The following ATP8A2 variants were observed in gnomAD, a reference collection of about 807,000 sequenced individuals.
ATP8A2 encodes the protein ATPase phospholipid transporting 8A2.
Under a neutral mutation model 165.6 loss-of-function variants are expected in ATP8A2, and 100 were observed. The observed-to-expected ratio is 0.60, with a 90% confidence interval of 0.51 to 0.71. ATP8A2 has a LOEUF of 0.71. Among genes scored for constraint, ATP8A2 ranks in the 30% least tolerant of loss-of-function variants. The pLI, the probability that ATP8A2 is intolerant of heterozygous loss-of-function variation, is 0.00. For synonymous variants in ATP8A2, 543 were observed against 548.8 expected (o/e 0.99, Z 0.15); for missense variants, 1,227 against 1,479.5 (o/e 0.83, Z 2.80).
intron 24 of ATP8A2, among the ~76,000 whole-genome samples, chr13:25,642,392 A>G (rs1483362093): frequency 6.6e-6 from 1 of 152,214 alleles, no homozygotes; most frequent in African/African-American, 2.4e-5. Context: ...AAGAACTCAA[A>G]CAAATTTACA....
intron 1 of ATP8A2, among the ~76,000 whole-genome samples, chr13:25,415,787 C>T (rs149458792): frequency 6.6e-6 from 1 of 152,304 alleles, no homozygotes; most frequent in East Asian, 1.9e-4. Flanking sequence ...TTGGCCTCCA[C>T]ATCTAAAGGT....
intron 6 of ATP8A2, among the ~76,000 whole-genome samples, chr13:25,533,691 G>A (rs2038188368): frequency 6.6e-6 from 1 of 152,138 alleles, no homozygotes; most frequent in Admixed American, 6.5e-5. Context: ...ACTACAGAGT[G>A]GTGGAAAGGG....
intron 1 of ATP8A2, among the ~76,000 whole-genome samples, chr13:25,419,090 C>T (rs2034219586): frequency 1.3e-5 from 2 of 152,120 alleles, no homozygotes; most frequent in African/African-American, 2.4e-5. Flanking sequence ...CATGTGTGTG[C>T]ACGCACGTGT....
chr13:25,710,180 G>A lies in ATP8A2; in HGVS notation c.2384+10835G>A, dbSNP rs184328088. On this transcript the variant is annotated intron_variant, in intron 25 of 36. Transcript: ENST00000381655. ...TACATATTTATGGGATAAATGTGATGTTTTGATACAGGCATACAATATGTA... is the reference window on the plus strand; with the variant it reads ...TACATATTTATGGGATAAATGTGATATTTTGATACAGGCATACAATATGTA... Among the ~76,000 whole-genome samples the A allele has an allele frequency of 2.4e-3, 369 of 152,246 alleles. 2 individuals are homozygous for A. Among genetic ancestry groups the A allele is most frequent in the African/African-American group, 8.4e-3 (348 of 41,534 alleles).
At chr13:25,941,592 G>A (rs1013796739) in intron 33 of ATP8A2, among the ~76,000 whole-genome samples, 4 of 152,048 alleles carry the variant, frequency 2.6e-5, no homozygotes, top group African/African-American at 7.2e-5. Flanking sequence ...CTCCTCACCC[G>A]TCCCATCCTG....
chr13:25,590,501 G>C (rs2040042237), intron 24 of ATP8A2, among the ~76,000 whole-genome samples: 1 of 152,190 alleles, frequency 6.6e-6, no homozygotes, highest in South Asian at 2.1e-4. Flanking sequence ...GCTGCCGCAT[G>C]AACCCACCCC....
intron 18 of ATP8A2, among the ~76,000 whole-genome samples, chr13:25,573,000 A>C (rs771113988): frequency 6.6e-6 from 1 of 152,202 alleles, no homozygotes; most frequent in Non-Finnish European, 1.5e-5. Flanking sequence ...TCATGTGATC[A>C]TGTTTACTTT....
At chr13:25,968,549 C>T (rs754273758) in intron 34 of ATP8A2, 26 bp from the exon 35 acceptor site, 46 of 1,596,028 alleles carry the variant, frequency 2.9e-5, no homozygotes, top group South Asian at 9.0e-5. Context: ...ATGCCATGTT[C>T]GTTTTGTCTT....
intron 1 of ATP8A2, among the ~76,000 whole-genome samples, chr13:25,418,151 C>T (rs2138089007): frequency 6.6e-6 from 1 of 152,282 alleles, no homozygotes; most frequent in Non-Finnish European, 1.5e-5. Flanking sequence ...ACCAAGGTCT[C>T]CCTGACCAGG....
chr13:25,779,412 G>A (rs2044819986), intron 27 of ATP8A2, among the ~76,000 whole-genome samples: 1 of 151,424 alleles, frequency 6.6e-6, no homozygotes, highest in Non-Finnish European at 1.5e-5. Flanking sequence ...GGGTGGGGCA[G>A]GGGGGCGGTG....
At chr13:25,490,616 C>T (rs1337998389) in intron 2 of ATP8A2, among the ~76,000 whole-genome samples, 1 of 152,214 alleles carries the variant, frequency 6.6e-6, no homozygotes, top group East Asian at 1.9e-4. Flanking sequence ...ACTAAAAGTC[C>T]ATCTGCTTTT....
At chr13:25,812,830 C>G (rs1950912440) in intron 27 of ATP8A2, among the ~76,000 whole-genome samples, 1 of 152,036 alleles carries the variant, frequency 6.6e-6, no homozygotes, top group Admixed American at 6.5e-5. Context: ...GGAATCAACC[C>G]AAATGCCCAT....
intron 1 of ATP8A2, among the ~76,000 whole-genome samples, chr13:25,428,459 T>C (rs1000934753): frequency 3.9e-5 from 6 of 152,176 alleles, no homozygotes; most frequent in Non-Finnish European, 8.8e-5. Flanking sequence ...TCTTAGTCTA[T>C]TGTGGGAAAC....
intron 33 of ATP8A2, among the ~76,000 whole-genome samples, chr13:25,923,742 T>C (rs1954524819): frequency 1.3e-5 from 2 of 152,150 alleles, no homozygotes; most frequent in Admixed American, 1.3e-4. Context: ...TAAAAGATGC[T>C]ACCTAGATCC....
At chr13:25,652,151 T>C (rs2041828112) in intron 24 of ATP8A2, among the ~76,000 whole-genome samples, 1 of 152,122 alleles carries the variant, frequency 6.6e-6, no homozygotes, top group South Asian at 2.1e-4. Flanking sequence ...TCACTAAATG[T>C]AGGGGTGGGA....
At chr13:25,821,540 C>T (rs980723696) in intron 27 of ATP8A2, among the ~76,000 whole-genome samples, 1 of 152,138 alleles carries the variant, frequency 6.6e-6, no homozygotes, top group African/African-American at 2.4e-5. Context: ...TTTCTAAACC[C>T]AAGCTCCCAT....
intron 7 of ATP8A2, 129 bp from the exon 8 acceptor site, chr13:25,540,190 G>A (rs967413284): frequency 5.8e-6 from 4 of 693,680 alleles, no homozygotes; most frequent in East Asian, 5.3e-5. Flanking sequence ...TCCTACTATC[G>A]TGGTTATTTA....
chr13:25,701,463 C>T (rs1053824585), intron 25 of ATP8A2, among the ~76,000 whole-genome samples: 2 of 152,074 alleles, frequency 1.3e-5, no homozygotes, highest in Non-Finnish European at 2.9e-5. Context: ...ACCTCAGAGC[C>T]GTGAGTCATG....
intron 33 of ATP8A2, among the ~76,000 whole-genome samples, chr13:25,914,388 G>A (rs1300500739): frequency 6.6e-6 from 1 of 152,168 alleles, no homozygotes; most frequent in Non-Finnish European, 1.5e-5. Flanking sequence ...CTTTACACCT[G>A]TGTGTTTACT....
Sources: allele counts gnomAD v4.1 joint callset (sites outside exome capture counted in the v4.1 genomes callset), GRCh38; gene constraint gnomAD v4.1.1; transcripts MANE v1.5; gene names NCBI Gene and HGNC (gene_info 2026-07-23, HGNC 2026-07-21).